ZNF276: variants seen among roughly 807,000 people sequenced by gnomAD.
ZNF276 encodes the protein centromere protein Z.
In ZNF276, 59 loss-of-function variants were observed where a neutral mutation model predicts 63.9. The observed-to-expected ratio is 0.92, with a 90% CI of 0.75 to 1.15. ZNF276 has a LOEUF of 1.15. Ranked by LOEUF, ZNF276 falls within the 50% of genes most tolerant of loss-of-function variation. ZNF276 has a pLI of 0.00. For synonymous variants in ZNF276, 496 were observed against 348.4 expected (o/e 1.42, Z -4.72); for missense variants, 1,084 against 843.8 (o/e 1.28, Z -3.53).
Position 89,740,038 on chromosome 16 carries a change from T to C in ZNF276, c.*1792T>C. On this transcript the variant is annotated 3_prime_UTR_variant, in exon 11 of 11. Coordinates refer to ENST00000443381, the MANE Select transcript of ZNF276 (RefSeq NM_001113525.2). ...GAGTGCCAGCCAGGATATCTTCCTC[T>C]TCTCTAAACACTCGAGGATTGCTGC... is the stretch of plus-strand genomic sequence containing the variant. 1 of 1,614,204 alleles carries C rather than the reference T, an allele frequency of 6.2e-7. No homozygotes were observed. The highest frequency in any genetic ancestry group is 8.5e-7 in the Non-Finnish European group (1 of 1,180,038).
At chr16:89,733,237 G>C (rs1390433787) in intron 6 of ZNF276, 65 bp from the exon 7 acceptor site, 1 of 1,438,192 alleles carries the variant, frequency 7.0e-7, no homozygotes, top group Admixed American at 1.8e-5. Flanking sequence ...TCAGGTTGGA[G>C]AGACAAAAAA....
rs767301093 is a variant in ZNF276, at chr16:89,723,108, C to T, written c.510-29C>T. The T allele has an allele frequency of 1.2e-5, 19 of 1,613,014 alleles. No individual in the cohort carries two copies. In the African/African-American group the frequency reaches 1.9e-4, roughly 16 times the overall value. On this transcript the variant is annotated intron_variant, in intron 2 of 10. Transcript: ENST00000443381. ...CGCTGTGAACCTCCGCCTGCTTGTC[C>T]TGCTCATGGCCACACTGATCCTTTG...
chr16:89,721,571 T>A lies in ZNF276; in HGVS notation c.-70T>A. ...CGCTTCCAGCGCGCCGAGCGGAGCCTAACGCCGGGTCCTCTAGGAACCTCG... is the reference window on the plus strand; with the variant it reads ...CGCTTCCAGCGCGCCGAGCGGAGCCAAACGCCGGGTCCTCTAGGAACCTCG... On this transcript the variant is annotated 5_prime_UTR_variant, in exon 1 of 11. Coordinates refer to ENST00000443381, the MANE Select transcript of ZNF276 (RefSeq NM_001113525.2). 1 of 1,402,174 alleles carries A rather than the reference T, an allele frequency of 7.1e-7. No homozygotes were observed. The highest frequency in any genetic ancestry group is 9.4e-7 in the Non-Finnish European group (1 of 1,067,252). 86.9% of individuals were successfully genotyped at this position (1,402,174 alleles called of 1,614,324 possible).
At position 89,739,562 on chromosome 16, in the gene ZNF276, C is replaced by T. The variant is rs9282680; in HGVS notation, c.*1316C>T. On this transcript the variant is annotated 3_prime_UTR_variant, in exon 11 of 11. Coordinates refer to ENST00000443381, the MANE Select transcript of ZNF276 (RefSeq NM_001113525.2). ...CCGCCCCAGCCTGAGGTCTGCAACACCAAGAAGTGGCTCAGGCAACTCTGG... is the reference window on the plus strand; with the variant it reads ...CCGCCCCAGCCTGAGGTCTGCAACATCAAGAAGTGGCTCAGGCAACTCTGG... 2,772 of 1,551,066 alleles carry T rather than the reference C, an allele frequency of 1.8e-3. 46 individuals are homozygous for T. In the African/African-American group the frequency reaches 0.034, roughly 19 times the overall value.
chr16:89,721,499 C>T (rs1224292617), upstream of ZNF276: 3 of 870,902 alleles, frequency 3.4e-6, no homozygotes, highest in African/African-American at 1.8e-5. Flanking sequence ...TGGCCCGCCC[C>T]GCCCGCCTCG....
Position 89,726,692 on chromosome 16 carries a change from G to C in ZNF276, c.1007-587G>C, listed in dbSNP as rs1278743739. 5.9e-5 allele frequency among the ~76,000 whole-genome samples: 9 copies of C among 151,740 alleles called. No homozygotes were observed. The South Asian group carries it at 6.2e-4, about 11-fold the overall frequency. On this transcript the variant is annotated intron_variant, in intron 4 of 10. Transcript: ENST00000443381. ...GTCGGAGTCTTGCTCTTTTGCCCAGGCTGGAGTGCAGTGCGCGATCTCGGC... is the reference window on the plus strand; with the variant it reads ...GTCGGAGTCTTGCTCTTTTGCCCAGCCTGGAGTGCAGTGCGCGATCTCGGC...
intron 6 of ZNF276, among the ~76,000 whole-genome samples, chr16:89,730,929 C>G (rs12709092): frequency 0.88 from 134,470 of 152,286 alleles, 59,434 homozygotes; most frequent in Middle Eastern, 0.94. Flanking sequence ...CAGTGGTTCC[C>G]GCCAGAGGGG....
At chr16:89,733,853 C>T in intron 8 of ZNF276, 68 bp from the exon 9 acceptor site, 1 of 1,477,982 alleles carries the variant, frequency 6.8e-7, no homozygotes, top group Non-Finnish European at 9.4e-7. Flanking sequence ...CAGCTGTCAC[C>T]TACTGAGGGC....
rs755306658 is a variant in ZNF276, at chr16:89,733,337, A to G, written c.1205A>G (p.Lys402Arg). ...SGKKSESKEA[K>R]KSEEPRIRKK... Reference sequence around the variant, plus strand: ...AAGAAGAGTGAAAGCAAAGAAGCCAAGAAGTCTGAAGAACCAAGAATTCGG... The same window carrying G: ...AAGAAGAGTGAAAGCAAAGAAGCCAGGAAGTCTGAAGAACCAAGAATTCGG... The change falls in exon 7 of 11, where the codon AAG becomes AGG. Residue 402 changes from lysine to arginine, a missense_variant. Coordinates refer to ENST00000443381, the MANE Select transcript of ZNF276 (RefSeq NM_001113525.2). 3 of 1,614,066 alleles carry G rather than the reference A, an allele frequency of 1.9e-6. No homozygotes were observed. The highest frequency in any genetic ancestry group is 2.2e-5 in the East Asian group (1 of 44,904).
intron 6 of ZNF276, among the ~76,000 whole-genome samples, chr16:89,730,256 C>T (rs1597997138): frequency 6.6e-6 from 1 of 152,106 alleles, no homozygotes; most frequent in East Asian, 1.9e-4. Flanking sequence ...AAAAGGTGCC[C>T]GGGGGTCCCT....
At chr16:89,737,690 T>A in intron 9 of ZNF276, 116 bp from the exon 10 acceptor site, 2 of 1,563,374 alleles carry the variant, frequency 1.3e-6, no homozygotes. Context: ...GCCCACTGCA[T>A]GGTGAACCAT....
rs2061743742 is a variant in ZNF276 at position 89,733,488 on chromosome 16, G to A, written c.1287G>A (p.Glu429=). 6.2e-7 allele frequency: 1 copy of A among 1,614,198 alleles called. No individual in the cohort carries two copies. The highest frequency in any genetic ancestry group is 1.3e-5 in the African/African-American group (1 of 75,066). ...TGCATGCTCTTCATTGCAGGGAGGA[G>A]CTTCCCACCATCTACAAGTGTCCTT... The part of the protein sequence containing the change: ...WKKKLRCERE[E]LPTIYKCPYQ... The change falls in exon 8 of 11, where the codon GAG becomes GAA. Residue 429 remains glutamate, a synonymous_variant. Coordinates refer to ENST00000443381, the MANE Select transcript of ZNF276 (RefSeq NM_001113525.2).
In ZNF276 at chr16:89,740,204, T is replaced by TG. The variant is rs1244757865; in HGVS notation, c.*1959dup. On this transcript the variant is annotated 3_prime_UTR_variant, in exon 11 of 11. Transcript: ENST00000443381. The stretch of plus-strand genomic sequence containing the variant: ...AAGAGGGCATTTCCTCTTTGCTTAT[T>TG]GTAAGTCTTAAAACTGGTGACAGTT... The TG allele has an allele frequency of 1.3e-4, 122 of 944,136 alleles. No homozygotes were observed. The highest frequency in any genetic ancestry group is 3.4e-4 in the Admixed American group (20 of 58,496). 58.5% of individuals were successfully genotyped at this position (944,136 alleles called of 1,614,324 possible).
Position 89,739,063 on chromosome 16 carries a change from C to A in ZNF276, c.*817C>A. ...CCATAGTCTGCATGCTGTGCCGGAA[C>A]ATTCTTTGGCAGAAGGAGCCTCCGG... is the stretch of plus-strand genomic sequence containing the variant. On this transcript the variant is annotated 3_prime_UTR_variant, in exon 11 of 11. Coordinates refer to ENST00000443381, the MANE Select transcript of ZNF276 (RefSeq NM_001113525.2). 2 of 1,613,946 alleles carry A rather than the reference C, an allele frequency of 1.2e-6. No individual in the cohort carries two copies. The highest frequency in any genetic ancestry group is 1.7e-6 in the Non-Finnish European group (2 of 1,179,856).
upstream of ZNF276, chr16:89,720,625 G>T: frequency 8.2e-7 from 1 of 1,226,068 alleles, no homozygotes; most frequent in South Asian, 3.0e-5. Context: ...TCCTCGCCCG[G>T]GAACCGCGGC....
rs774306844 is a variant in ZNF276, at chr16:89,722,647, G to T, written c.322G>T (p.Ala108Ser). 1.3e-5 allele frequency: 21 copies of T among 1,611,972 alleles called. No individual in the cohort carries two copies. Among genetic ancestry groups the T allele is most frequent in the South Asian group, 2.2e-5 (2 of 91,094 alleles). Residue 108 changes from alanine to serine, a missense_variant, in exon 2 of 11, where the codon GCA (alanine) becomes TCA (serine). Coordinates refer to ENST00000443381, the MANE Select transcript of ZNF276 (RefSeq NM_001113525.2). ...TGGAGCGAGCATGGAGAGGCCATCC[G>T]CAGAGGAGCGCGTGCTCGTACGGGA... ...APGASMERPS[A>S]EERVLVRDFQ...
chr16:89,722,113 G>T (rs2061307860), intron 1 of ZNF276, among the ~76,000 whole-genome samples: 2 of 152,124 alleles, frequency 1.3e-5, no homozygotes, highest in Non-Finnish European at 2.9e-5. Flanking sequence ...CGGGCAGGTC[G>T]CCCTGGGGTG....
chr16:89,739,810 A>C lies in ZNF276; in HGVS notation c.*1564A>C. 6.8e-7 allele frequency: 1 copy of C among 1,464,914 alleles called. No individual in the cohort carries two copies. Among genetic ancestry groups the C allele is most frequent in the Non-Finnish European group, 9.0e-7 (1 of 1,112,092 alleles). 90.7% of individuals were successfully genotyped at this position (1,464,914 alleles called of 1,614,324 possible). A position where few individuals can be genotyped will look rare whatever the true frequency, so the allele number is the denominator to read the frequency against. On this transcript the variant is annotated 3_prime_UTR_variant, in exon 11 of 11. Transcript: ENST00000443381. Reference sequence around the variant, plus strand: ...GATAGGCCCATTGGTCCTGGGGTTGACCAGTGAGCCAGTAAATTATCTTAT... The same window carrying C: ...GATAGGCCCATTGGTCCTGGGGTTGCCCAGTGAGCCAGTAAATTATCTTAT...
rs1292477431 is a variant in ZNF276 at position 89,738,341 on chromosome 16, G to C, written c.*95G>C. The C allele has an allele frequency of 2.0e-6, 3 of 1,494,652 alleles. No individual in the cohort carries two copies. Among genetic ancestry groups the C allele is most frequent in the East Asian group, 4.9e-5 (2 of 40,558 alleles). The allele number at this position is 1,494,652 out of a possible 1,614,324, so 92.6% of individuals were successfully genotyped here. On this transcript the variant is annotated 3_prime_UTR_variant, in exon 11 of 11. Transcript: ENST00000443381. ...TGTGCACCCGCATGGGAGGGTCGGA[G>C]GGTGCTGCCCGCCCTTGGTGCTGGA...
Sources: gnomAD v4.1 joint callset for allele counts (sites outside exome capture counted in the v4.1 genomes callset) on GRCh38, gnomAD v4.1.1 for gene constraint, MANE v1.5 for transcripts, NCBI Gene and HGNC (gene_info 2026-07-23, HGNC 2026-07-21) for gene names.